SCAPER: variants seen among roughly 807,000 people sequenced by gnomAD.
The protein encoded by SCAPER is S phase cyclin A-associated protein in the endoplasmic reticulum.
A neutral mutation model predicts 182.2 loss-of-function variants in SCAPER; 98 were observed. The observed-to-expected ratio is 0.54, with a 90% confidence interval of 0.46 to 0.64. The LOEUF is 0.64. SCAPER is among the 30% of genes least tolerant of loss of function. SCAPER has a pLI of 0.00. For synonymous variants in SCAPER, 605 were observed against 564.6 expected (o/e 1.07, Z -1.01); for missense variants, 1,432 against 1,690.0 (o/e 0.85, Z 2.68).
chr15:76,578,982 G>A (rs2048058130), intron 22 of SCAPER, among the ~76,000 whole-genome samples: 1 of 152,138 alleles, frequency 6.6e-6, no homozygotes, highest in Non-Finnish European at 1.5e-5. Flanking sequence ...AATTCTATCA[G>A]ATACATTTAG....
chr15:76,537,506 G>T (rs145018770), intron 23 of SCAPER, among the ~76,000 whole-genome samples: 57,767 of 151,792 alleles, frequency 0.38, 13,011 homozygotes, highest in Middle Eastern at 0.52. Context: ...GGGAAAACTG[G>T]CTAGCCATAT....
chr15:76,427,383 A>C (rs2142433013), intron 26 of SCAPER, among the ~76,000 whole-genome samples: 1 of 152,290 alleles, frequency 6.6e-6, no homozygotes, highest in South Asian at 2.1e-4. Flanking sequence ...AAACTAAATA[A>C]CCCAATTCAA....
chr15:76,471,223 G>C lies in SCAPER; in HGVS notation c.3067C>G (p.His1023Asp). 3 of 1,608,284 alleles carry C rather than the reference G, an allele frequency of 1.9e-6. No individual in the cohort carries two copies. The highest frequency in any genetic ancestry group is 1.7e-6 in the Non-Finnish European group (2 of 1,177,594). Residue 1023 changes from histidine (H) to aspartate (D), a missense_variant, in exon 25 of 32, where the codon CAC becomes GAC. Transcript: ENST00000563290. ...KITFLMDLLI[H>D]QLTVYVPDEN... ...ATAATATTACATACCGTCAACTGGT[G>C]TATCAGGAGGTCCATTAAGAAGGTA...
chr15:76,435,246 T>G (rs968901828), intron 25 of SCAPER, among the ~76,000 whole-genome samples: 4 of 152,220 alleles, frequency 2.6e-5, no homozygotes, highest in Admixed American at 2.0e-4. Context: ...TAAACAGCAC[T>G]ATCGACTGCA....
intron 17 of SCAPER, among the ~76,000 whole-genome samples, chr15:76,712,729 GCTCT>G (rs752432696): frequency 2.0e-5 from 3 of 151,916 alleles, no homozygotes; most frequent in Non-Finnish European, 2.9e-5. Flanking sequence ...TCATGATTTT[GCTCT>G]CTGTTTGTCT....
intron 20 of SCAPER, among the ~76,000 whole-genome samples, chr15:76,697,888 C>A (rs988881199): frequency 2.0e-5 from 3 of 152,120 alleles, no homozygotes; most frequent in African/African-American, 7.2e-5. Context: ...GATCCACCCA[C>A]CTCAGCCTCC....
At chr15:76,402,460 C>T (rs779057825) in intron 27 of SCAPER, among the ~76,000 whole-genome samples, 1 of 152,120 alleles carries the variant, frequency 6.6e-6, no homozygotes, top group South Asian at 2.1e-4. Flanking sequence ...TACCGTTTTT[C>T]TCAACTGATT....
intron 23 of SCAPER, among the ~76,000 whole-genome samples, chr15:76,519,867 G>A (rs1009251737): frequency 2.4e-4 from 36 of 152,126 alleles, no homozygotes; most frequent in African/African-American, 8.0e-4. Flanking sequence ...ACTCTAGAGA[G>A]CTCTTCCTTT....
intron 14 of SCAPER, among the ~76,000 whole-genome samples, chr15:76,755,894 G>A (rs2062393887): frequency 6.6e-6 from 1 of 152,106 alleles, no homozygotes; most frequent in Admixed American, 6.5e-5. Context: ...GCAAATAACT[G>A]CACAAATGAG....
intron 2 of SCAPER, among the ~76,000 whole-genome samples, chr15:76,875,906 G>A (rs575129413): frequency 4.1e-4 from 63 of 152,294 alleles, no homozygotes; most frequent in Admixed American, 4.6e-4. Context: ...CTCGGGCCGC[G>A]CAGGACCCCA....
intron 5 of SCAPER, among the ~76,000 whole-genome samples, chr15:76,815,232 A>G (rs1336459866): frequency 6.6e-6 from 1 of 152,218 alleles, no homozygotes; most frequent in Non-Finnish European, 1.5e-5. Flanking sequence ...TACAACTACC[A>G]TATGACCCAA....
chr15:76,675,494 T>G (rs1261655909), intron 20 of SCAPER, among the ~76,000 whole-genome samples: 1 of 152,210 alleles, frequency 6.6e-6, no homozygotes, highest in African/African-American at 2.4e-5. Flanking sequence ...TTGGTTCTCT[T>G]ATGTCTGAGG....
At position 76,369,819 on chromosome 15, in the gene SCAPER, T is replaced by C. The variant is rs114103433; in HGVS notation, c.3855+6343A>G. Among the ~76,000 whole-genome samples, 383 of 152,340 alleles carry C rather than the reference T, an allele frequency of 2.5e-3. 2 individuals are homozygous for C. Among genetic ancestry groups the C allele is most frequent in the African/African-American group, 8.8e-3 (367 of 41,588 alleles). On this transcript the variant is annotated intron_variant, in intron 29 of 31. Transcript: ENST00000563290. ...CCTCAGCAAGCTGTGGCTATTCCTA[T>C]ACCCTGCCCTTGCCCCGCAGCCTGA...
chr15:76,565,230 A>T (rs1227225099), intron 23 of SCAPER, among the ~76,000 whole-genome samples: 1 of 152,182 alleles, frequency 6.6e-6, no homozygotes, highest in African/African-American at 2.4e-5. Flanking sequence ...CAGATAACCT[A>T]CAGAATGGGA....
At chr15:76,430,832 G>A (rs2046812228) in intron 26 of SCAPER, among the ~76,000 whole-genome samples, 1 of 152,198 alleles carries the variant, frequency 6.6e-6, no homozygotes. Context: ...GTGAGGACAT[G>A]AGATTTGGGA....
chr15:76,879,740 C>A (rs1263143003), intron 2 of SCAPER, among the ~76,000 whole-genome samples: 1 of 152,144 alleles, frequency 6.6e-6, no homozygotes, highest in Non-Finnish European at 1.5e-5. Flanking sequence ...AATGATCTTT[C>A]GAATCCCAAC....
At chr15:76,588,176 C>T (rs952948545) in intron 22 of SCAPER, among the ~76,000 whole-genome samples, 1 of 152,210 alleles carries the variant, frequency 6.6e-6, no homozygotes, top group Non-Finnish European at 1.5e-5. Flanking sequence ...CCTGCCTCAG[C>T]CTCCCAAAGT....
chr15:76,769,964 T>A (rs532995429), intron 10 of SCAPER, among the ~76,000 whole-genome samples: 5 of 152,242 alleles, frequency 3.3e-5, no homozygotes, highest in African/African-American at 1.2e-4. Flanking sequence ...CAAATGTCCA[T>A]CAATGATAGA....
intron 2 of SCAPER, among the ~76,000 whole-genome samples, chr15:76,866,776 T>C (rs962467204): frequency 2.0e-5 from 3 of 152,192 alleles, no homozygotes; most frequent in Non-Finnish European, 4.4e-5. Context: ...GTATCAGGGT[T>C]TGAAATGCAA....
Sources: gnomAD v4.1 joint callset for allele counts (sites outside exome capture counted in the v4.1 genomes callset) on GRCh38, gnomAD v4.1.1 for gene constraint, MANE v1.5 for transcripts, NCBI Gene and HGNC (gene_info 2026-07-23, HGNC 2026-07-21) for gene names.